DMD: variants seen among roughly 807,000 people sequenced by gnomAD.
DMD encodes mutant dystrophin.
Under a neutral mutation model 330.1 loss-of-function variants are expected in DMD, and 63 were observed. The ratio of observed to expected loss-of-function variants is 0.19; its 90% CI spans 0.16 to 0.24. The LOEUF is 0.24. Among genes scored for constraint, DMD ranks in the 10% least tolerant of loss-of-function variants. The pLI is 1.00. For missense variants in DMD, 3,344 were observed against 2,684.1 expected (o/e 1.25, Z -5.43); for synonymous variants, 1,223 against 959.8 (o/e 1.27, Z -5.07).
intron 29 of DMD, among the ~76,000 whole-genome samples, chrX:32,434,886 T>C (rs1254553900): frequency 9.0e-6 from 1 of 111,631 alleles, no homozygotes; most frequent in Non-Finnish European, 1.9e-5. Context: ...TAACATGATG[T>C]GGTTTTCATG....
intron 60 of DMD, among the ~76,000 whole-genome samples, chrX:31,412,770 A>G (rs1010098338): frequency 8.0e-5 from 9 of 112,280 alleles, no homozygotes; most frequent in African/African-American, 2.9e-4. Flanking sequence ...AGTTTGTCCT[A>G]TTAGCAGATG....
At chrX:31,483,335 C>T (rs1031238871) in intron 57 of DMD, among the ~76,000 whole-genome samples, 10 of 111,700 alleles carry the variant, frequency 9.0e-5, no homozygotes, top group East Asian at 5.6e-4. Context: ...CGTGAGCCAC[C>T]ACGCCCGGCC....
chrX:31,341,905 A>G (rs908530186), intron 61 of DMD, among the ~76,000 whole-genome samples: 63 of 109,545 alleles, frequency 5.8e-4, no homozygotes, highest in African/African-American at 1.8e-3. Context: ...ACACACACAC[A>G]CACACACACA....
At chrX:33,309,725 G>A (rs1049651753) in intron 1 of DMD, among the ~76,000 whole-genome samples, 5 of 110,885 alleles carry the variant, frequency 4.5e-5, no homozygotes, top group Non-Finnish European at 3.8e-5. Context: ...CTTTTGTGAA[G>A]AGATATATTT....
chrX:31,287,652 A>G (rs2053330618), intron 62 of DMD, among the ~76,000 whole-genome samples: 1 of 112,439 alleles, frequency 8.9e-6, no homozygotes, highest in South Asian at 3.7e-4. Context: ...ATAGGAGGAC[A>G]GGTATAAATC....
intron 43 of DMD, among the ~76,000 whole-genome samples, chrX:32,223,298 C>T (rs770060365): frequency 2.7e-5 from 3 of 111,562 alleles, no homozygotes; most frequent in Non-Finnish European, 3.8e-5. Context: ...CTGAATGCTG[C>T]GTGAAGCCTT....
intron 54 of DMD, among the ~76,000 whole-genome samples, chrX:31,657,292 TATCAA>T (rs1200108336): frequency 2.7e-5 from 3 of 112,096 alleles, no homozygotes; most frequent in Non-Finnish European, 5.6e-5. Context: ...CCTGGGGATG[TATCAA>T]ATGAGAAAGA....
chrX:32,938,464 T>C (rs1386566387), intron 2 of DMD, among the ~76,000 whole-genome samples: 1 of 111,199 alleles, frequency 9.0e-6, no homozygotes, highest in Admixed American at 9.7e-5. Context: ...AATGAAAGTG[T>C]TTATTTCCTC....
chrX:31,777,310 G>A (rs1232516049), intron 50 of DMD, among the ~76,000 whole-genome samples: 1 of 111,348 alleles, frequency 9.0e-6, no homozygotes, highest in East Asian at 2.8e-4. Flanking sequence ...ATATTAAAGA[G>A]AGAAAATACA....
intron 74 of DMD, among the ~76,000 whole-genome samples, chrX:31,154,935 C>T (rs1024428889): frequency 2.7e-5 from 3 of 112,150 alleles, no homozygotes; most frequent in Non-Finnish European, 5.6e-5. Context: ...TCCAGTATTT[C>T]TTATTCTCTA....
intron 62 of DMD, among the ~76,000 whole-genome samples, chrX:31,270,526 A>G (rs2051548800): frequency 1.8e-5 from 2 of 112,326 alleles, no homozygotes; most frequent in African/African-American, 6.5e-5. Flanking sequence ...TGACAACAGC[A>G]GATGTGAGGG....
intron 18 of DMD, among the ~76,000 whole-genome samples, chrX:32,503,842 C>A (rs2044336809): frequency 9.0e-6 from 1 of 111,652 alleles, no homozygotes; most frequent in Non-Finnish European, 1.9e-5. Flanking sequence ...CAGGTGTGAG[C>A]CACCGTGCCT....
chrX:31,235,273 A>G (rs1353363190), intron 63 of DMD, among the ~76,000 whole-genome samples: 1 of 112,126 alleles, frequency 8.9e-6, no homozygotes, highest in Non-Finnish European at 1.9e-5. Flanking sequence ...AAGATGACAT[A>G]AGCAGTATTC....
At chrX:32,560,158 C>T (rs1291472618) in intron 16 of DMD, among the ~76,000 whole-genome samples, 1 of 101,719 alleles carries the variant, frequency 9.8e-6, no homozygotes, top group African/African-American at 3.5e-5. Context: ...TAAAAATCCA[C>T]AAAACTACAA....
rs193076720 is a variant in DMD, at chrX:32,311,556, T to C, written c.5923-1280A>G. On this transcript the variant is annotated intron_variant, in intron 41 of 78. Coordinates refer to ENST00000357033, the MANE Select transcript of DMD (RefSeq NM_004006.3). ...TTCACAGAATTGCACAAATTAGCTA[T>C]TAAATAATTATACCTTTTACAACAT... is the stretch of plus-strand genomic sequence containing the variant. 1.1e-4 allele frequency among the ~76,000 whole-genome samples: 12 copies of C among 111,857 alleles called. No homozygotes were observed. The East Asian group carries it at 2.0e-3, about 18-fold the overall frequency.
At chrX:31,459,248 T>A (rs754925556) in intron 59 of DMD, among the ~76,000 whole-genome samples, 1 of 111,852 alleles carries the variant, frequency 8.9e-6, no homozygotes, top group East Asian at 2.8e-4. Context: ...TATTATTTAA[T>A]AAGACCTAAT....
intron 7 of DMD, among the ~76,000 whole-genome samples, chrX:32,783,462 A>C (rs962808832): frequency 9.2e-6 from 1 of 108,591 alleles, no homozygotes; most frequent in African/African-American, 3.3e-5. Context: ...CAAATAAAAA[A>C]ATATTCAGGA....
rs183396297 is a variant in DMD, at chrX:32,981,832, C to A, written c.93+38307G>T. Among the ~76,000 whole-genome samples the A allele has an allele frequency of 2.7e-5, 3 of 110,661 alleles. 1 individual carries two copies. In the East Asian group the frequency reaches 8.5e-4, roughly 31 times the overall value. On this transcript the variant is annotated intron_variant, in intron 2 of 78. Transcript: ENST00000357033. ...ATGTCAAAAGAGAATCTCCTTAATA[C>A]AAGCCTCTGCTGGAAATAAAAAATA...
intron 4 of DMD, among the ~76,000 whole-genome samples, chrX:32,826,646 G>A (rs149396963): frequency 0.016 from 1,802 of 111,500 alleles, 26 homozygotes; most frequent in African/African-American, 0.05. Flanking sequence ...ATTTTAAAAT[G>A]TTGAGCTCAT....
Sources: gnomAD v4.1 joint callset for allele counts (sites outside exome capture counted in the v4.1 genomes callset) on GRCh38, gnomAD v4.1.1 for gene constraint, MANE v1.5 for transcripts, NCBI Gene and HGNC (gene_info 2026-07-23, HGNC 2026-07-21) for gene names.